The following PLCXD3 variants were observed in gnomAD, a reference collection of about 807,000 sequenced individuals.
The protein encoded by PLCXD3 is PI-PLC X domain-containing protein 3.
Under a neutral mutation model 25.5 loss-of-function variants are expected in PLCXD3, and 19 were observed. That is an observed-to-expected ratio of 0.75 (90% CI 0.52 to 1.09). The LOEUF (loss-of-function observed/expected upper bound fraction) is 1.09, where lower values mean the gene tolerates loss of function less well. Ranked by LOEUF, PLCXD3 falls within the 50% of genes least tolerant of loss-of-function variation. PLCXD3 has a pLI of 0.00. For missense variants in PLCXD3, 411 were observed against 388.1 expected, an observed-to-expected ratio of 1.06 and a Z score of -0.50; for synonymous variants, 174 against 137.6, an observed-to-expected ratio of 1.26 and a Z score of -1.85.
chr5:41,420,342 C>T (rs1746790703), intron 1 of PLCXD3, among the ~76,000 whole-genome samples: 1 of 152,190 alleles, frequency 6.6e-6, no homozygotes, highest in Non-Finnish European at 1.5e-5. Flanking sequence ...CAGAAATGCA[C>T]ATTTTTTAGA....
intron 1 of PLCXD3, among the ~76,000 whole-genome samples, chr5:41,496,563 G>A (rs568215093): frequency 2.7e-5 from 4 of 145,994 alleles, no homozygotes; most frequent in African/African-American, 7.6e-5. Context: ...ACAACCAACC[G>A]AGAGCACAAT....
At chr5:41,386,825 C>A (rs1352973915) in intron 1 of PLCXD3, among the ~76,000 whole-genome samples, 1 of 151,912 alleles carries the variant, frequency 6.6e-6, no homozygotes, top group Non-Finnish European at 1.5e-5. Context: ...CTTAAGCAGA[C>A]CCTCCTGAAA....
chr5:41,484,280 A>G (rs1055377429), intron 1 of PLCXD3, among the ~76,000 whole-genome samples: 2 of 151,710 alleles, frequency 1.3e-5, no homozygotes, highest in African/African-American at 4.8e-5. Flanking sequence ...CACTAACTGT[A>G]TTCTAAAATA....
At chr5:41,424,193 T>C (rs1451926441) in intron 1 of PLCXD3, among the ~76,000 whole-genome samples, 1 of 152,074 alleles carries the variant, frequency 6.6e-6, no homozygotes, top group East Asian at 1.9e-4. Context: ...AACTTTTGGG[T>C]TAGATGATTA....
intron 1 of PLCXD3, among the ~76,000 whole-genome samples, chr5:41,424,015 A>G (rs1190707609): frequency 6.6e-6 from 1 of 152,160 alleles, no homozygotes; most frequent in Non-Finnish European, 1.5e-5. Context: ...ACAATATAGT[A>G]TGTTAACTAT....
chr5:41,349,507 C>T (rs1197672343), intron 2 of PLCXD3, among the ~76,000 whole-genome samples: 2 of 152,170 alleles, frequency 1.3e-5, no homozygotes, highest in African/African-American at 4.8e-5. Flanking sequence ...GACATTATCA[C>T]TGAGAAATCA....
chr5:41,358,806 G>A (rs774913118), intron 2 of PLCXD3, among the ~76,000 whole-genome samples: 6 of 152,076 alleles, frequency 3.9e-5, no homozygotes, highest in Non-Finnish European at 7.4e-5. Flanking sequence ...GTTCTCAGGG[G>A]GAGTGCTTTC....
chr5:41,324,527 G>C (rs185845451), intron 2 of PLCXD3, among the ~76,000 whole-genome samples: 115 of 152,294 alleles, frequency 7.6e-4, no homozygotes, highest in South Asian at 2.3e-3. Context: ...GCAGCAGGTG[G>C]AGACATTTGG....
At chr5:41,405,837 GC>G (rs1433815692) in intron 1 of PLCXD3, among the ~76,000 whole-genome samples, 1 of 151,742 alleles carries the variant, frequency 6.6e-6, no homozygotes, top group Non-Finnish European at 1.5e-5. Flanking sequence ...TACTTAATCT[GC>G]CTCTCTCTTC....
chr5:41,307,457 C>G lies in PLCXD3; in HGVS notation c.*6160G>C, dbSNP rs1743030038. 1 of 152,358 alleles carries G rather than the reference C, an allele frequency of 6.6e-6. No individual in the cohort carries two copies. Among genetic ancestry groups the G allele is most frequent in the Non-Finnish European group, 1.5e-5 (1 of 67,980 alleles). The allele number at this position is 152,358 out of a possible 1,614,324, so 9.4% of individuals were successfully genotyped here. On this transcript the variant is annotated 3_prime_UTR_variant, in exon 3 of 3. Coordinates refer to ENST00000377801, the MANE Select transcript of PLCXD3 (RefSeq NM_001005473.3). ...TTTCTGCATTGTTTTAGAAACCAGC[C>G]TTTGATCTCACTGTTCTTATTTTAG...
chr5:41,462,064 G>A (rs752274964), intron 1 of PLCXD3, among the ~76,000 whole-genome samples: 15 of 151,956 alleles, frequency 9.9e-5, no homozygotes, highest in Non-Finnish European at 1.6e-4. Flanking sequence ...TTAGAAAGGC[G>A]TTTAATCTAG....
chr5:41,338,529 C>T (rs1304707048), intron 2 of PLCXD3, among the ~76,000 whole-genome samples: 1 of 151,956 alleles, frequency 6.6e-6, no homozygotes, highest in East Asian at 1.9e-4. Context: ...GAAAATATTG[C>T]AGTTTCTTTT....
chr5:41,439,901 C>T (rs1252787589), intron 1 of PLCXD3, among the ~76,000 whole-genome samples: 4 of 152,188 alleles, frequency 2.6e-5, no homozygotes, highest in Non-Finnish European at 4.4e-5. Flanking sequence ...TGTATTTTCT[C>T]AGGCTAATTG....
intron 2 of PLCXD3, among the ~76,000 whole-genome samples, chr5:41,333,502 C>A (rs1472992434): frequency 6.6e-6 from 1 of 152,074 alleles, no homozygotes; most frequent in Non-Finnish European, 1.5e-5. Context: ...TCAAAATAAC[C>A]TCAGGTAGAC....
At chr5:41,419,728 A>C (rs1746774473) in intron 1 of PLCXD3, among the ~76,000 whole-genome samples, 1 of 152,226 alleles carries the variant, frequency 6.6e-6, no homozygotes, top group Admixed American at 6.5e-5. Flanking sequence ...GTTATGTGAC[A>C]ACAGATTAAA....
At chr5:41,346,934 T>C (rs1744317622) in intron 2 of PLCXD3, among the ~76,000 whole-genome samples, 1 of 152,242 alleles carries the variant, frequency 6.6e-6, no homozygotes. Flanking sequence ...CTTCTAAGTT[T>C]TGGCAATTGT....
chr5:41,313,692 A>G lies in PLCXD3; in HGVS notation c.891T>C (p.Phe297=). The G allele has an allele frequency of 6.2e-7, 1 of 1,613,940 alleles. No individual in the cohort carries two copies. The highest frequency in any genetic ancestry group is 8.5e-7 in the Non-Finnish European group (1 of 1,179,864). ...TGCTGATAAAGTCACCAAGTTCTACAAAATCGGCAGTGACAATATTGATGC... is the reference window on the plus strand; with the variant it reads ...TGCTGATAAAGTCACCAAGTTCTACGAAATCGGCAGTGACAATATTGATGC... ...ESGINIVTAD[F]VELGDFISTV... is the part of the protein sequence containing the mutation. Residue 297 remains phenylalanine, a synonymous_variant, in exon 3 of 3, where the codon TTT becomes TTC. Coordinates refer to ENST00000377801, the MANE Select transcript of PLCXD3 (RefSeq NM_001005473.3).
chr5:41,419,819 T>G (rs916037265), intron 1 of PLCXD3, among the ~76,000 whole-genome samples: 1 of 152,198 alleles, frequency 6.6e-6, no homozygotes, highest in Non-Finnish European at 1.5e-5. Context: ...CAATAGGTTG[T>G]TGTGATGATT....
Position 41,381,972 on chromosome 5 carries a change from G to A in PLCXD3, c.666C>T (p.Pro222=), listed in dbSNP as rs748917615. The A allele has an allele frequency of 6.4e-5, 104 of 1,613,286 alleles. 1 individual carries two copies. Among genetic ancestry groups the A allele is most frequent in the Middle Eastern group, 3.3e-4 (2 of 6,072 alleles). ...CTTGAAGAAACTGGATCAGTTTCTC[G>A]GGGTCTGTGGTGTTGGCCCAGGGTG... is the stretch of plus-strand genomic sequence containing the variant. ...MPAPWANTTD[P]EKLIQFLQAS... Residue 222 remains proline (P), a synonymous_variant, in exon 2 of 3, where the codon CCC becomes CCT. Coordinates refer to ENST00000377801, the MANE Select transcript of PLCXD3 (RefSeq NM_001005473.3).
Sources: gnomAD v4.1 joint callset for allele counts (sites outside exome capture counted in the v4.1 genomes callset) on GRCh38, gnomAD v4.1.1 for gene constraint, MANE v1.5 for transcripts, NCBI Gene and HGNC (gene_info 2026-07-23, HGNC 2026-07-21) for gene names.